Variants in PPP3R1 observed in about 807,000 individuals in gnomAD.
PPP3R1 encodes the protein protein phosphatase 3 regulatory subunit B, alpha.
PPP3R1 carries 5 observed loss-of-function variants against 22.6 expected under a neutral mutation model. That is an observed-to-expected ratio of 0.22 (90% confidence interval 0.12 to 0.46). PPP3R1 has a LOEUF of 0.46. Among genes scored for constraint, PPP3R1 ranks in the 20% least tolerant of loss-of-function variants. PPP3R1 has a pLI of 0.99. For synonymous variants in PPP3R1, 56 were observed against 65.2 expected, an observed-to-expected ratio of 0.86 and a Z score of 0.68; for missense variants, 61 against 203.2, an observed-to-expected ratio of 0.30 and a Z score of 4.25.
At chr2:68,225,618 A>C (rs889811849) in intron 1 of PPP3R1, among the ~76,000 whole-genome samples, 2 of 152,238 alleles carry the variant, frequency 1.3e-5, no homozygotes, top group African/African-American at 4.8e-5. Flanking sequence ...CTATGAAATA[A>C]TAAATGAGTG....
chr2:68,244,357 C>T (rs914033074), intron 1 of PPP3R1, among the ~76,000 whole-genome samples: 17 of 152,164 alleles, frequency 1.1e-4, no homozygotes, highest in African/African-American at 4.1e-4. Context: ...ATTCCCCAAA[C>T]TGGATAACAC....
chr2:68,232,111 ATAT>A lies in PPP3R1; in HGVS notation c.4-14983_4-14981del, dbSNP rs1558641258. On this transcript the variant is annotated intron_variant, in intron 1 of 5. Transcript: ENST00000234310. Reference sequence around the variant, plus strand: ...CCGTATCTACTAAAAAAAAAAAAATATATATATATATATACACACACACACACA... The same window carrying A: ...CCGTATCTACTAAAAAAAAAAAAATAATATATATATACACACACACACACA... Among the ~76,000 whole-genome samples, 4 of 55,660 alleles carry A rather than the reference ATAT, an allele frequency of 7.2e-5. No individual in the cohort carries two copies. The East Asian group carries it at 2.3e-3, about 32-fold the overall frequency. 36.5% of individuals were successfully genotyped at this position (55,660 alleles called of 152,430 possible).
At position 68,226,007 on chromosome 2, in the gene PPP3R1, GAA is replaced by G. The variant is rs541954805; in HGVS notation, c.4-8878_4-8877del. Among the ~76,000 whole-genome samples the G allele has an allele frequency of 4.6e-5, 7 of 152,216 alleles. No individual in the cohort carries two copies. In the South Asian group the frequency reaches 6.2e-4, roughly 14 times the overall value. On this transcript the variant is annotated intron_variant, in intron 1 of 5. Coordinates refer to ENST00000234310, the MANE Select transcript of PPP3R1 (RefSeq NM_000945.4). The stretch of plus-strand genomic sequence containing the variant: ...TGGAGTACTATTCGGTAATGAATAG[GAA>G]AAGACTACTAATACACCCAATAACA...
chr2:68,218,519 G>C (rs1669621671), intron 1 of PPP3R1, among the ~76,000 whole-genome samples: 1 of 151,982 alleles, frequency 6.6e-6, no homozygotes, highest in African/African-American at 2.4e-5. Flanking sequence ...AACAGAGATG[G>C]ATTTCTGCTT....
chr2:68,221,617 A>C (rs182964389), intron 1 of PPP3R1, among the ~76,000 whole-genome samples: 1 of 152,326 alleles, frequency 6.6e-6, no homozygotes, highest in Non-Finnish European at 1.5e-5. Context: ...AAATCTTCCA[A>C]ATTTGATGAA....
intron 2 of PPP3R1, among the ~76,000 whole-genome samples, chr2:68,204,904 C>A (rs1001623669): frequency 6.6e-6 from 1 of 152,174 alleles, no homozygotes; most frequent in East Asian, 1.9e-4. Flanking sequence ...TGTCAAAGTC[C>A]CAATTCTTTT....
chr2:68,211,238 C>CAAAAATACAAAAAA (rs558766002), intron 2 of PPP3R1, among the ~76,000 whole-genome samples: 3,535 of 152,058 alleles, frequency 0.023, 128 homozygotes, highest in African/African-American at 0.081. Flanking sequence ...AACCCTGTCT[C>CAAAAATACAAAAAA]TACTAAAAAT....
intron 2 of PPP3R1, among the ~76,000 whole-genome samples, chr2:68,190,158 T>C (rs1674631113): frequency 6.8e-6 from 1 of 147,858 alleles, no homozygotes. Context: ...TCACACGTAA[T>C]TCGTAAAGAG....
rs994341466 is a variant in PPP3R1, at chr2:68,252,230, G to C, written c.-103C>G. 5.1e-5 allele frequency: 58 copies of C among 1,140,636 alleles called. No individual in the cohort carries two copies. Among genetic ancestry groups the C allele is most frequent in the Non-Finnish European group, 4.5e-5 (41 of 918,402 alleles). 70.7% of individuals were successfully genotyped at this position (1,140,636 alleles called of 1,614,324 possible). A position where few individuals can be genotyped will look rare whatever the true frequency, so the allele number is the denominator to read the frequency against. ...CGGCGGCGGCCCAGCTGCGGCCCTC[G>C]GGTCGCCGGCGGGGAGGGGGCGCGC... On this transcript the variant is annotated 5_prime_UTR_variant, in exon 1 of 6. Transcript: ENST00000234310.
intron 2 of PPP3R1, among the ~76,000 whole-genome samples, chr2:68,202,791 A>ATT (rs1558632604): frequency 5.3e-5 from 5 of 93,542 alleles, no homozygotes; most frequent in South Asian, 3.2e-4. Flanking sequence ...GAGTTCAGGG[A>ATT]ATTTTTTTTT....
chr2:68,187,420 A>G, intron 3 of PPP3R1, 106 bp from the exon 4 acceptor site: 1 of 961,910 alleles, frequency 1.0e-6, no homozygotes, highest in Non-Finnish European at 1.6e-6. Flanking sequence ...GCTGCAAAAC[A>G]GAAGTACTAC....
rs865896020 is a variant in PPP3R1, at chr2:68,249,199, C to A, written c.3+2926G>T. ...CCTTAGTCAGCTTCTTTACTTTATACCTTGAACCATTTTAATTTTCTCATT... is the reference window on the plus strand; with the variant it reads ...CCTTAGTCAGCTTCTTTACTTTATAACTTGAACCATTTTAATTTTCTCATT... On this transcript the variant is annotated intron_variant, in intron 1 of 5. Coordinates refer to ENST00000234310, the MANE Select transcript of PPP3R1 (RefSeq NM_000945.4). Among the ~76,000 whole-genome samples the A allele has an allele frequency of 8.3e-4, 126 of 152,288 alleles. 1 individual carries two copies. The highest frequency in any genetic ancestry group is 2.9e-3 in the African/African-American group (121 of 41,548).
chr2:68,183,682 C>T (rs1572949452), intron 5 of PPP3R1, among the ~76,000 whole-genome samples: 1 of 152,166 alleles, frequency 6.6e-6, no homozygotes, highest in East Asian at 1.9e-4. Context: ...AGGATAATGA[C>T]AGGTTTCAGT....
chr2:68,215,952 A>G (rs772175995), intron 2 of PPP3R1, among the ~76,000 whole-genome samples: 1 of 152,202 alleles, frequency 6.6e-6, no homozygotes, highest in African/African-American at 2.4e-5. Flanking sequence ...AAAACACACT[A>G]TAAGAATGTT....
Position 68,246,447 on chromosome 2 carries a change from T to G in PPP3R1, c.3+5678A>C, listed in dbSNP as rs1046606219. Reference sequence around the variant, plus strand: ...CTCTAGCTTTCACCCTCTCTGCTACTCAAAGCTTTAAAAAGCAATCTAAAT... The same window carrying G: ...CTCTAGCTTTCACCCTCTCTGCTACGCAAAGCTTTAAAAAGCAATCTAAAT... On this transcript the variant is annotated intron_variant, in intron 1 of 5. Coordinates refer to ENST00000234310, the MANE Select transcript of PPP3R1 (RefSeq NM_000945.4). 2.0e-5 allele frequency among the ~76,000 whole-genome samples: 3 copies of G among 152,176 alleles called. No homozygotes were observed. The East Asian group carries it at 5.8e-4, about 29-fold the overall frequency.
At chr2:68,235,254 G>C (rs746251560) in intron 1 of PPP3R1, among the ~76,000 whole-genome samples, 21 of 152,026 alleles carry the variant, frequency 1.4e-4, no homozygotes, top group African/African-American at 4.6e-4. Context: ...TCCATCTAAA[G>C]TATACAACTC....
intron 1 of PPP3R1, 65 bp downstream of exon 1, chr2:68,252,060 C>A: frequency 1.5e-6 from 2 of 1,361,198 alleles, no homozygotes; most frequent in South Asian, 3.1e-5. Flanking sequence ...GGGCTCGCCC[C>A]CGCACCCGAC....
At chr2:68,190,543 G>A (rs1357453991) in intron 2 of PPP3R1, among the ~76,000 whole-genome samples, 2 of 152,082 alleles carry the variant, frequency 1.3e-5, no homozygotes, top group South Asian at 2.1e-4. Context: ...TCTAGCCTGG[G>A]CGACAAAAGG....
At chr2:68,196,712 T>C (rs1307802202) in intron 2 of PPP3R1, among the ~76,000 whole-genome samples, 1 of 152,066 alleles carries the variant, frequency 6.6e-6, no homozygotes, top group Non-Finnish European at 1.5e-5. Flanking sequence ...AAAAGAAGTA[T>C]CACATTTTAA....
Sources: allele counts gnomAD v4.1 joint callset (sites outside exome capture counted in the v4.1 genomes callset), GRCh38; gene constraint gnomAD v4.1.1; transcripts MANE v1.5; gene names NCBI Gene and HGNC (gene_info 2026-07-23, HGNC 2026-07-21).